Variants in ERAP1 observed in about 807,000 individuals in gnomAD.
The protein encoded by ERAP1 is endoplasmic reticulum aminopeptidase 1, also known as adipocyte-derived leucine aminopeptidase.
A neutral mutation model predicts 103.7 loss-of-function variants in ERAP1; 86 were observed. The observed-to-expected ratio is 0.83, with a 90% CI of 0.70 to 0.99. The LOEUF (loss-of-function observed/expected upper bound fraction) is 0.99. ERAP1 is among the 50% of genes least tolerant of loss of function. The pLI, the probability that ERAP1 is intolerant of heterozygous loss-of-function variation, is 0.00. For synonymous variants in ERAP1, 398 were observed against 402.4 expected, an observed-to-expected ratio of 0.99 and a Z score of 0.13; for missense variants, 1,009 against 1,128.4, an observed-to-expected ratio of 0.89 and a Z score of 1.52.
At chr5:96,866,682 G>C in the ERAP1 span, among the ~76,000 whole-genome samples, 3 of 152,154 alleles carry the variant, frequency 2.0e-5, no homozygotes, top group African/African-American at 4.8e-5. Flanking sequence ...TTCTAGGAGA[G>C]ACCTCGTACA....
chr5:96,933,211 CTTTTTTTTTTTTT>C, the ERAP1 span, among the ~76,000 whole-genome samples: 2 of 72,808 alleles, frequency 2.7e-5, no homozygotes, highest in Non-Finnish European at 4.9e-5. Context: ...AAAACCACGT[CTTTTTTTTTTTTT>C]TTTTTTTTTT....
At chr5:96,824,509 A>G in the ERAP1 span, among the ~76,000 whole-genome samples, 2 of 152,144 alleles carry the variant, frequency 1.3e-5, no homozygotes, top group Admixed American at 1.3e-4. Flanking sequence ...CCATCCTTCC[A>G]AACCATCTCC....
At chr5:96,935,035 T>C in the ERAP1 span, 1 of 152,274 alleles carries the variant, frequency 6.6e-6, no homozygotes, top group Admixed American at 6.5e-5. Context: ...GATTTGGCAC[T>C]GGAAACAATG....
intron 18 of ERAP1, among the ~76,000 whole-genome samples, chr5:96,778,363 G>A (rs940271484): frequency 9.2e-5 from 14 of 152,240 alleles, no homozygotes; most frequent in African/African-American, 2.9e-4. Context: ...TTTGGGGAAG[G>A]TGATCTGAGC....
chr5:96,846,301 C>T, the ERAP1 span, among the ~76,000 whole-genome samples: 10 of 152,268 alleles, frequency 6.6e-5, no homozygotes, highest in Non-Finnish European at 1.2e-4. Context: ...AGAGCCACTG[C>T]ACTGGTCTAT....
At chr5:96,768,739 T>G (rs2150760047) in intron 19 of ERAP1, among the ~76,000 whole-genome samples, 1 of 152,326 alleles carries the variant, frequency 6.6e-6, no homozygotes, top group South Asian at 2.1e-4. Flanking sequence ...TCCCCTTTTC[T>G]GTCTGCTTAG....
Position 96,797,315 on chromosome 5 carries a change from A to T in ERAP1, c.664-6T>A. Reference sequence around the variant, plus strand: ...GCAACAGTCACAGATTTCACCTAAAATCAGAATAATTCAAATTATCAAGTA... The same window carrying T: ...GCAACAGTCACAGATTTCACCTAAATTCAGAATAATTCAAATTATCAAGTA... On this transcript the variant is annotated splice_region_variant and splice_polypyrimidine_tract_variant and intron_variant, in intron 3 of 18. Coordinates refer to ENST00000443439, the MANE Select transcript of ERAP1 (RefSeq NM_001040458.3). The T allele has an allele frequency of 6.2e-7, 1 of 1,613,470 alleles. No individual in the cohort carries two copies. Among genetic ancestry groups the T allele is most frequent in the Non-Finnish European group, 8.5e-7 (1 of 1,179,780 alleles).
At chr5:96,867,865 G>A in the ERAP1 span, among the ~76,000 whole-genome samples, 1 of 152,166 alleles carries the variant, frequency 6.6e-6, no homozygotes, top group South Asian at 2.1e-4. Flanking sequence ...CCTGAGGTCA[G>A]GAGTTCAAGA....
At chr5:96,762,527 G>A (rs955755371) in exon 20 of ERAP1, 6 of 520,988 alleles carry the variant, frequency 1.2e-5, no homozygotes, top group South Asian at 3.6e-5. Flanking sequence ...ATGATTTAGC[G>A]AGATGGCAGA....
chr5:96,933,248 T>C, the ERAP1 span, among the ~76,000 whole-genome samples: 3 of 140,386 alleles, frequency 2.1e-5, no homozygotes, highest in Non-Finnish European at 4.6e-5. Context: ...GATGGAGTCT[T>C]GCTCTGTCGC....
chr5:96,846,916 T>C, the ERAP1 span, among the ~76,000 whole-genome samples: 1 of 151,564 alleles, frequency 6.6e-6, no homozygotes, highest in Non-Finnish European at 1.5e-5. Flanking sequence ...TGGAATGGCA[T>C]AAAAGAGTGT....
At chr5:96,769,614 T>C (rs2150776194), downstream of ERAP1, 1 of 152,162 alleles carries the variant, frequency 6.6e-6, no homozygotes, top group South Asian at 2.1e-4. Context: ...AAAATCTACT[T>C]AGTTAACAAA....
exon 20 of ERAP1, chr5:96,762,238 AC>A (rs1561605721): frequency 1.5e-6 from 2 of 1,377,822 alleles, no homozygotes; most frequent in South Asian, 2.5e-5. Flanking sequence ...AATTTTATAT[AC>A]AACATGTTAC....
chr5:96,842,128 T>C, the ERAP1 span, among the ~76,000 whole-genome samples: 17 of 152,362 alleles, frequency 1.1e-4, no homozygotes, highest in African/African-American at 3.8e-4. Context: ...CATTCCTTTT[T>C]ATGGCCGAGT....
At chr5:96,781,339 G>C (rs1473096643) in intron 16 of ERAP1, 141 bp from the exon 17 acceptor site, 2 of 821,074 alleles carry the variant, frequency 2.4e-6, no homozygotes, top group African/African-American at 3.5e-5. Context: ...CCACAATCCT[G>C]ATAAACCCAC....
upstream of ERAP1, among the ~76,000 whole-genome samples, chr5:96,811,069 C>T (rs1779119960): frequency 6.6e-6 from 1 of 152,028 alleles, no homozygotes; most frequent in Non-Finnish European, 1.5e-5. Context: ...TCCATAGGCT[C>T]CCAGGGCCTT....
chr5:96,864,278 C>G, the ERAP1 span, among the ~76,000 whole-genome samples: 3 of 152,208 alleles, frequency 2.0e-5, no homozygotes, highest in Non-Finnish European at 4.4e-5. Context: ...ATCGTTGACA[C>G]AGTAGCTGAG....
the ERAP1 span, among the ~76,000 whole-genome samples, chr5:96,872,830 G>T: frequency 1.3e-5 from 2 of 152,078 alleles, no homozygotes; most frequent in Non-Finnish European, 2.9e-5. Flanking sequence ...TTTAAAAAAT[G>T]AAGTCATTAA....
the ERAP1 span, chr5:96,879,617 C>A: frequency 1.6e-6 from 2 of 1,268,974 alleles, no homozygotes; most frequent in South Asian, 1.3e-5. Flanking sequence ...ATAACTGGAG[C>A]CAGTGCAGTG....
Sources: gnomAD v4.1 joint callset for allele counts (sites outside exome capture counted in the v4.1 genomes callset) on GRCh38, gnomAD v4.1.1 for gene constraint, MANE v1.5 for transcripts, NCBI Gene and HGNC (gene_info 2026-07-23, HGNC 2026-07-21) for gene names.